Variants in FRMD4A observed in about 807,000 individuals in gnomAD.
The protein encoded by FRMD4A is FERM domain containing 4A.
Under a neutral mutation model 129.1 loss-of-function variants are expected in FRMD4A, and 29 were observed. That is an observed-to-expected ratio of 0.22 (90% CI 0.17 to 0.31). FRMD4A has a LOEUF of 0.31. Ranked by LOEUF, FRMD4A falls within the 10% of genes least tolerant of loss-of-function variation. FRMD4A has a pLI of 1.00. For missense variants in FRMD4A, 1,272 were observed against 1,375.8 expected (o/e 0.92, Z 1.19); for synonymous variants, 634 against 571.6 (o/e 1.11, Z -1.56).
At chr10:13,930,841 AT>A (rs34279360) in intron 2 of FRMD4A, among the ~76,000 whole-genome samples, 11,398 of 151,614 alleles carry the variant, frequency 0.075, 465 homozygotes, top group East Asian at 0.14. Flanking sequence ...TTATTTGTTA[AT>A]TTTTTTTTAA....
intron 2 of FRMD4A, among the ~76,000 whole-genome samples, chr10:14,114,285 G>A (rs1838084407): frequency 6.6e-6 from 1 of 152,074 alleles, no homozygotes; most frequent in Non-Finnish European, 1.5e-5. Flanking sequence ...GTCCTACTTC[G>A]GAGACACAGG....
At chr10:13,712,812 C>T (rs781251706) in intron 12 of FRMD4A, among the ~76,000 whole-genome samples, 3 of 152,172 alleles carry the variant, frequency 2.0e-5, no homozygotes, top group Non-Finnish European at 2.9e-5. Context: ...ATAAATACTG[C>T]CTTTGAGACC....
intron 2 of FRMD4A, among the ~76,000 whole-genome samples, chr10:14,274,555 G>A (rs545707753): frequency 5.5e-4 from 84 of 152,288 alleles, no homozygotes; most frequent in African/African-American, 1.9e-3. Flanking sequence ...TGTTAGAGCT[G>A]CCGCCCCAGT....
chr10:14,207,078 G>T (rs1233841492), intron 2 of FRMD4A, among the ~76,000 whole-genome samples: 1 of 151,990 alleles, frequency 6.6e-6, no homozygotes, highest in Non-Finnish European at 1.5e-5. Context: ...CTGAAGAGAA[G>T]ACCTGAAATG....
chr10:13,758,365 G>T (rs1564751802), intron 8 of FRMD4A, among the ~76,000 whole-genome samples: 1 of 152,148 alleles, frequency 6.6e-6, no homozygotes, highest in Admixed American at 6.5e-5. Context: ...CTTTTCTAGG[G>T]TTCTGTGTGT....
chr10:13,666,847 A>C (rs887236126), intron 17 of FRMD4A, among the ~76,000 whole-genome samples: 1 of 150,544 alleles, frequency 6.6e-6, no homozygotes, highest in Non-Finnish European at 1.5e-5. Flanking sequence ...TCTGACTCAC[A>C]TATCTTGTCT....
intron 2 of FRMD4A, among the ~76,000 whole-genome samples, chr10:14,026,553 C>T (rs534453594): frequency 7.2e-5 from 11 of 152,236 alleles, no homozygotes; most frequent in South Asian, 6.2e-4. Context: ...TAGGAAGGGG[C>T]GGGCAGTGCT....
chr10:14,064,899 C>T (rs530239917), intron 2 of FRMD4A, among the ~76,000 whole-genome samples: 6 of 152,138 alleles, frequency 3.9e-5, no homozygotes, highest in Admixed American at 6.5e-5. Flanking sequence ...TTTTTAACAG[C>T]GAAGCAATGG....
chr10:14,088,865 G>C (rs1223668139), intron 2 of FRMD4A, among the ~76,000 whole-genome samples: 1 of 151,492 alleles, frequency 6.6e-6, no homozygotes, highest in African/African-American at 2.4e-5. Flanking sequence ...GGAGGGACTA[G>C]AGGTCCATAA....
At chr10:14,262,099 A>T (rs1208759623) in intron 2 of FRMD4A, among the ~76,000 whole-genome samples, 3 of 152,188 alleles carry the variant, frequency 2.0e-5, no homozygotes, top group East Asian at 1.9e-4. Flanking sequence ...TTTGAAGAGC[A>T]ATCTTTGATT....
intron 2 of FRMD4A, among the ~76,000 whole-genome samples, chr10:13,882,418 G>A (rs1370600000): frequency 1.3e-5 from 2 of 152,190 alleles, no homozygotes; most frequent in African/African-American, 2.4e-5. Flanking sequence ...AATGAGGTCT[G>A]AGCCTTGGAG....
intron 2 of FRMD4A, among the ~76,000 whole-genome samples, chr10:13,933,472 T>A (rs925977389): frequency 2.0e-5 from 3 of 152,202 alleles, no homozygotes; most frequent in Non-Finnish European, 4.4e-5. Context: ...TGCTTGTTTA[T>A]GCGTTTTGTC....
At chr10:14,013,262 A>G (rs995210366) in intron 2 of FRMD4A, among the ~76,000 whole-genome samples, 2 of 152,160 alleles carry the variant, frequency 1.3e-5, no homozygotes, top group Non-Finnish European at 2.9e-5. Context: ...AACATCTTGC[A>G]GGGTATTAAA....
intron 2 of FRMD4A, among the ~76,000 whole-genome samples, chr10:13,884,152 A>ACG (rs1473267533): frequency 0.01 from 238 of 23,412 alleles, 4 homozygotes; most frequent in African/African-American, 0.03. Context: ...ACTCTCACAC[A>ACG]CTCTCACACA....
At chr10:14,194,341 T>C (rs964304132) in intron 2 of FRMD4A, among the ~76,000 whole-genome samples, 5 of 152,166 alleles carry the variant, frequency 3.3e-5, no homozygotes, top group Non-Finnish European at 7.4e-5. Context: ...CCGGGTGCAG[T>C]GGTTCAGGCC....
chr10:13,870,720 C>G (rs1419921848), intron 2 of FRMD4A: 1 of 152,546 alleles, frequency 6.6e-6, no homozygotes, highest in Admixed American at 6.5e-5. Flanking sequence ...CACCTAACAT[C>G]AAGACCGTGC....
intron 2 of FRMD4A, among the ~76,000 whole-genome samples, chr10:14,213,972 C>A (rs569736237): frequency 2.0e-5 from 3 of 152,278 alleles, no homozygotes; most frequent in African/African-American, 7.2e-5. Flanking sequence ...ATGCTGTTCT[C>A]GTGATAGTAA....
chr10:13,930,351 C>T (rs1464754847), intron 2 of FRMD4A, among the ~76,000 whole-genome samples: 1 of 152,174 alleles, frequency 6.6e-6, no homozygotes, highest in East Asian at 1.9e-4. Flanking sequence ...CAAGAGAGGG[C>T]TCCTGCTACT....
At chr10:14,181,239 G>C (rs918679542) in intron 2 of FRMD4A, among the ~76,000 whole-genome samples, 1 of 152,214 alleles carries the variant, frequency 6.6e-6, no homozygotes, top group African/African-American at 2.4e-5. Flanking sequence ...AAAGAGCAGA[G>C]TGACATTATT....
Sources: allele counts gnomAD v4.1 joint callset (sites outside exome capture counted in the v4.1 genomes callset), GRCh38; gene constraint gnomAD v4.1.1; transcripts MANE v1.5; gene names NCBI Gene and HGNC (gene_info 2026-07-23, HGNC 2026-07-21).